Variants in BORCS8 observed in about 807,000 individuals in gnomAD.
BORCS8 encodes BLOC-1 related complex subunit 8, also known as BLOC-1-related complex subunit 8.
Under a neutral mutation model 18.7 loss-of-function variants are expected in BORCS8, and 13 were observed. The ratio of observed to expected loss-of-function variants is 0.70; its 90% CI spans 0.45 to 1.11. BORCS8 has a LOEUF of 1.11. BORCS8 is among the 50% of genes least tolerant of loss of function. The pLI is 0.00. For missense variants in BORCS8, 165 were observed against 165.7 expected, an observed-to-expected ratio of 1.00 and a Z score of 0.02; for synonymous variants, 68 against 64.8, an observed-to-expected ratio of 1.05 and a Z score of -0.24.
intron 1 of BORCS8, among the ~76,000 whole-genome samples, chr19:19,187,687 C>T (rs570631549): frequency 7.3e-5 from 11 of 150,970 alleles, no homozygotes; most frequent in African/African-American, 2.4e-4. Context: ...TACAGGCATG[C>T]ACCACCACGC....
rs1364457198 is a variant in BORCS8, at chr19:19,190,918, GA to G, written c.37+1162del. On this transcript the variant is annotated intron_variant, in intron 1 of 5. Coordinates refer to ENST00000462790, the MANE Select transcript of BORCS8 (RefSeq NM_001145784.2). The stretch of plus-strand genomic sequence containing the variant: ...TCAACCAACCGTGGATGGAAAATAG[GA>G]AAAAAAAAATTCCACAAAGTTTCAA... Among the ~76,000 whole-genome samples, 9 of 148,650 alleles carry G rather than the reference GA, an allele frequency of 6.1e-5. No individual in the cohort carries two copies. In the South Asian group the frequency reaches 6.4e-4, roughly 11 times the overall value.
At chr19:19,180,642 G>T in intron 5 of BORCS8, 44 bp downstream of exon 5, 2 of 1,374,206 alleles carry the variant, frequency 1.5e-6, no homozygotes, top group Middle Eastern at 2.4e-4. Context: ...GGGTTGGTTA[G>T]TTCAGAGCAG....
At chr19:19,185,901 C>A in intron 3 of BORCS8, 133 bp downstream of exon 3, 1 of 871,654 alleles carries the variant, frequency 1.1e-6, no homozygotes, top group Admixed American at 2.1e-5. Flanking sequence ...AATCGTGGTA[C>A]AGACCCCATA....
chr19:19,181,936 C>T, intron 4 of BORCS8: 1 of 985,448 alleles, frequency 1.0e-6, no homozygotes, highest in Non-Finnish European at 1.2e-6. Context: ...AGAAGGGCTA[C>T]TCTTCAAAAA....
At chr19:19,188,019 T>G (rs1184904581) in intron 1 of BORCS8, among the ~76,000 whole-genome samples, 2 of 151,178 alleles carry the variant, frequency 1.3e-5, no homozygotes, top group Non-Finnish European at 2.9e-5. Context: ...GTTTTTTCAT[T>G]TATTTATTTA....
rs1166404604 is a variant in BORCS8, at chr19:19,177,301, A to G, written c.*202T>C. 2.0e-5 allele frequency: 3 copies of G among 151,326 alleles called. No homozygotes were observed. The highest frequency in any genetic ancestry group is 2.0e-4 in the Admixed American group (3 of 15,208). 9.4% of individuals were successfully genotyped at this position (151,326 alleles called of 1,614,324 possible). A position where few individuals can be genotyped will look rare whatever the true frequency, so the allele number is the denominator to read the frequency against. On this transcript the variant is annotated 3_prime_UTR_variant, in exon 6 of 6. Coordinates refer to ENST00000462790, the MANE Select transcript of BORCS8 (RefSeq NM_001145784.2). ...GAATGTCCAACTCAGCCTGTAGAGA[A>G]GGTGCAGTCCAGCCTTCCTTATCCA...
At chr19:19,180,851 T>G in intron 4 of BORCS8, 90 bp from the exon 5 acceptor site, 2 of 1,352,996 alleles carry the variant, frequency 1.5e-6, no homozygotes, top group East Asian at 5.2e-5. Context: ...TGGGTGATAC[T>G]CTGGTCTCAA....
rs1171754243 is a variant in BORCS8 at position 19,192,139 on chromosome 19, C to G, written c.-22G>C. On this transcript the variant is annotated 5_prime_UTR_variant, in exon 1 of 6. Coordinates refer to ENST00000462790, the MANE Select transcript of BORCS8 (RefSeq NM_001145784.2). ...CCATAGCGACCGCGGCCGAGCGAAC[C>G]GGGAAACGGCACCGGAAGCCCGGAG... 6.4e-7 allele frequency: 1 copy of G among 1,551,136 alleles called. No individual in the cohort carries two copies. The highest frequency in any genetic ancestry group is 8.7e-7 in the Non-Finnish European group (1 of 1,146,872).
At chr19:19,180,891 C>G (rs2060342171) in intron 4 of BORCS8, 130 bp from the exon 5 acceptor site, 1 of 1,012,608 alleles carries the variant, frequency 9.9e-7, no homozygotes, top group Non-Finnish European at 1.4e-6. Context: ...CTGGGGCATC[C>G]TGCTTAAAAG....
Position 19,183,464 on chromosome 19 carries a change from G to A in BORCS8, c.216-781C>T, listed in dbSNP as rs113649173. On this transcript the variant is annotated intron_variant, in intron 3 of 5. Transcript: ENST00000462790. ...ACAGACAAATGTTCGCTGGCCTCCC[G>A]CCTAGCCCAGTGGTATCTGGGGCAA... Among the ~76,000 whole-genome samples the A allele has an allele frequency of 3.2e-3, 493 of 151,730 alleles. 1 individual carries two copies. The highest frequency in any genetic ancestry group is 0.011 in the African/African-American group (454 of 41,364).
chr19:19,181,451 G>A (rs1215685895), intron 4 of BORCS8, among the ~76,000 whole-genome samples: 1 of 152,240 alleles, frequency 6.6e-6, no homozygotes, highest in African/African-American at 2.4e-5. Flanking sequence ...TACAAAGAGA[G>A]GTGTCAGCAG....
chr19:19,181,949 C>G, intron 4 of BORCS8: 4 of 985,482 alleles, frequency 4.1e-6, no homozygotes, highest in Non-Finnish European at 4.8e-6. Context: ...TTCAAAAATT[C>G]TCTTTCCAAT....
intron 4 of BORCS8, chr19:19,181,764 A>C: frequency 1.4e-6 from 1 of 716,592 alleles, no homozygotes; most frequent in Non-Finnish European, 1.7e-6. Flanking sequence ...GTCTTAGTTA[A>C]GCAACACAGA....
At chr19:19,183,369 C>T (rs2060369630) in intron 3 of BORCS8, among the ~76,000 whole-genome samples, 1 of 149,076 alleles carries the variant, frequency 6.7e-6, no homozygotes, top group Non-Finnish European at 1.5e-5. Flanking sequence ...GAGATCGCGC[C>T]ACTGCACTCC....
At chr19:19,185,522 C>T (rs2060398012) in intron 3 of BORCS8, among the ~76,000 whole-genome samples, 1 of 152,110 alleles carries the variant, frequency 6.6e-6, no homozygotes, top group Non-Finnish European at 1.5e-5. Context: ...CCCATCTCTG[C>T]TAAAAATACA....
intron 1 of BORCS8, among the ~76,000 whole-genome samples, chr19:19,190,502 A>G (rs1007396596): frequency 6.6e-6 from 1 of 152,228 alleles, no homozygotes; most frequent in Non-Finnish European, 1.5e-5. Context: ...GAATGTGAGC[A>G]TAACGGCCAG....
chr19:19,190,379 G>C (rs2060454238), intron 1 of BORCS8, among the ~76,000 whole-genome samples: 1 of 152,226 alleles, frequency 6.6e-6, no homozygotes, highest in African/African-American at 2.4e-5. Context: ...GTGTCTGGGA[G>C]TCAAAGGAGG....
At chr19:19,185,411 C>A (rs549502993) in intron 3 of BORCS8, among the ~76,000 whole-genome samples, 42 of 152,148 alleles carry the variant, frequency 2.8e-4, no homozygotes, top group Non-Finnish European at 5.1e-4. Flanking sequence ...ACCGGCCAGG[C>A]GTGGTGGCTC....
chr19:19,192,127 G>T lies in BORCS8; in HGVS notation c.-10C>A. Reference sequence around the variant, plus strand: ...TCTCCGGCTCCTCCATAGCGACCGCGGCCGAGCGAACCGGGAAACGGCACC... The same window carrying T: ...TCTCCGGCTCCTCCATAGCGACCGCTGCCGAGCGAACCGGGAAACGGCACC... On this transcript the variant is annotated 5_prime_UTR_variant, in exon 1 of 6. Coordinates refer to ENST00000462790, the MANE Select transcript of BORCS8 (RefSeq NM_001145784.2). 1 of 1,551,220 alleles carries T rather than the reference G, an allele frequency of 6.4e-7. No individual in the cohort carries two copies. The highest frequency in any genetic ancestry group is 1.4e-5 in the African/African-American group (1 of 73,144).
Sources: allele counts gnomAD v4.1 joint callset (sites outside exome capture counted in the v4.1 genomes callset), GRCh38; gene constraint gnomAD v4.1.1; transcripts MANE v1.5; gene names NCBI Gene and HGNC (gene_info 2026-07-23, HGNC 2026-07-21).